Variants in CSMD3 observed in about 807,000 individuals in gnomAD.
CSMD3 encodes the protein CUB and Sushi multiple domains 3.
A neutral mutation model predicts 435.2 loss-of-function variants in CSMD3; 177 were observed. The ratio of observed to expected loss-of-function variants is 0.41; its 90% confidence interval spans 0.36 to 0.46. The LOEUF (loss-of-function observed/expected upper bound fraction) is 0.46, where lower values mean the gene tolerates loss of function less well. Among genes scored for constraint, CSMD3 ranks in the 20% least tolerant of loss-of-function variants. CSMD3 has a pLI of 0.34. For missense variants in CSMD3, 4,265 were observed against 4,504.6 expected (o/e 0.95, Z 1.52); for synonymous variants, 1,656 against 1,520.5 (o/e 1.09, Z -2.07).
In CSMD3 at chr8:112,408,993, T is replaced by G. The variant is rs1194397870; in HGVS notation, c.5435A>C (p.His1812Pro). The change falls in exon 33 of 71, where the codon CAC becomes CCC. Residue 1812 changes from histidine to proline, a missense_variant. Around this residue, in one of 3 missense-constraint regions of CSMD3, gnomAD observed 3,255 missense variants for 3,380.2 expected, o/e 0.96. Coordinates refer to ENST00000297405, the MANE Select transcript of CSMD3 (RefSeq NM_198123.2). Reference sequence around the variant, plus strand: ...CCCATCATACACCTCAACAACATCGTGGAGTGATGTCTGGAAAAATACAAA... The same window carrying G: ...CCCATCATACACCTCAACAACATCGGGGAGTGATGTCTGGAAAAATACAAA... The part of the protein sequence containing the change: ...GQFVFFQTSL[H>P]DVVEVYDGPT... 6.2e-7 allele frequency: 1 copy of G among 1,613,508 alleles called. No homozygotes were observed. Among genetic ancestry groups the G allele is most frequent in the South Asian group, 1.1e-5 (1 of 91,070 alleles).
At chr8:112,359,308 A>G (rs1226349115) in intron 38 of CSMD3, among the ~76,000 whole-genome samples, 1 of 152,234 alleles carries the variant, frequency 6.6e-6, no homozygotes, top group East Asian at 1.9e-4. Context: ...TCTCTGATAG[A>G]TATTCTTGTA....
At position 112,755,199 on chromosome 8, in the gene CSMD3, C is replaced by T. The variant is rs1214778052; in HGVS notation, c.1972+44963G>A. Among the ~76,000 whole-genome samples, 5 of 151,964 alleles carry T rather than the reference C, an allele frequency of 3.3e-5. No homozygotes were observed. The South Asian group carries it at 6.2e-4, about 19-fold the overall frequency. On this transcript the variant is annotated intron_variant, in intron 13 of 70. Coordinates refer to ENST00000297405, the MANE Select transcript of CSMD3 (RefSeq NM_198123.2). ...ACAAAAAATTAGCCGGGCGTGGTGG[C>T]GGGCACCTGCAGTCCCAGCTACTCG...
At chr8:113,137,590 C>T (rs1181980643) in intron 4 of CSMD3, among the ~76,000 whole-genome samples, 3 of 151,586 alleles carry the variant, frequency 2.0e-5, no homozygotes, top group African/African-American at 7.3e-5. Flanking sequence ...AGGGTCTGTT[C>T]TCTGCTTCCA....
chr8:113,004,870 C>T (rs1384911073), intron 6 of CSMD3, among the ~76,000 whole-genome samples: 1 of 151,550 alleles, frequency 6.6e-6, no homozygotes, highest in Non-Finnish European at 1.5e-5. Context: ...AATTATAATG[C>T]ACTTCTAAAA....
intron 31 of CSMD3, among the ~76,000 whole-genome samples, chr8:112,490,669 G>T (rs1286164421): frequency 6.6e-6 from 1 of 151,766 alleles, no homozygotes; most frequent in African/African-American, 2.4e-5. Context: ...TTTGAATCTG[G>T]CTCCTGGAAA....
In CSMD3 at chr8:112,685,396, A is replaced by C; in HGVS notation, c.2482+10T>G. On this transcript the variant is annotated intron_variant, in intron 15 of 70. Transcript: ENST00000297405. ...TATTATATGGGAAAAAAACAGAAAC[A>C]GAAACTTACTGTTGTAAGTGATGTT... 1.9e-6 allele frequency: 3 copies of C among 1,604,708 alleles called. No homozygotes were observed. The highest frequency in any genetic ancestry group is 2.6e-6 in the Non-Finnish European group (3 of 1,171,808).
At chr8:112,416,797 A>G (rs1473251261) in intron 32 of CSMD3, among the ~76,000 whole-genome samples, 1 of 152,086 alleles carries the variant, frequency 6.6e-6, no homozygotes, top group Non-Finnish European at 1.5e-5. Flanking sequence ...TAATGGCATG[A>G]CAGTGTCAGA....
rs1280107564 is a variant in CSMD3 at position 113,378,980 on chromosome 8, C to T, written c.178+57697G>A. Among the ~76,000 whole-genome samples the T allele has an allele frequency of 3.9e-5, 6 of 152,076 alleles. No homozygotes were observed. The East Asian group carries it at 5.8e-4, about 15-fold the overall frequency. On this transcript the variant is annotated intron_variant, in intron 1 of 70. Coordinates refer to ENST00000297405, the MANE Select transcript of CSMD3 (RefSeq NM_198123.2). ...GAGGTAGAAAGGGATCATGAAGGAG[C>T]TTGTAGTCCATGACAAGAAGTTTGG...
intron 10 of CSMD3, among the ~76,000 whole-genome samples, chr8:112,860,755 T>C (rs1051602825): frequency 6.6e-6 from 1 of 151,890 alleles, no homozygotes; most frequent in Non-Finnish European, 1.5e-5. Flanking sequence ...ATTATTCGCA[T>C]GTGTTTTAAA....
At chr8:112,523,829 A>T (rs939387492) in intron 27 of CSMD3, among the ~76,000 whole-genome samples, 9 of 152,064 alleles carry the variant, frequency 5.9e-5, no homozygotes, top group Admixed American at 2.0e-4. Context: ...CTATCTTTAG[A>T]ATTTCATTAT....
chr8:113,207,977 T>C (rs923164396), intron 3 of CSMD3, among the ~76,000 whole-genome samples: 13 of 152,208 alleles, frequency 8.5e-5, no homozygotes, highest in Non-Finnish European at 7.3e-5. Context: ...CTGCATATAT[T>C]TCTGCACAAT....
At chr8:112,995,581 A>G (rs2085618954) in intron 6 of CSMD3, among the ~76,000 whole-genome samples, 1 of 151,416 alleles carries the variant, frequency 6.6e-6, no homozygotes, top group South Asian at 2.1e-4. Context: ...AATCTTAAGT[A>G]ACAGAAAAGT....
chr8:113,065,218 T>A (rs991295832), intron 5 of CSMD3, among the ~76,000 whole-genome samples: 1 of 152,126 alleles, frequency 6.6e-6, no homozygotes, highest in African/African-American at 2.4e-5. Context: ...GATTTCAGCC[T>A]TAGGTTGTGA....
At chr8:112,500,082 C>G (rs979830389) in intron 30 of CSMD3, among the ~76,000 whole-genome samples, 1 of 151,936 alleles carries the variant, frequency 6.6e-6, no homozygotes, top group African/African-American at 2.4e-5. Context: ...GCACCCCAGT[C>G]TGGGCAACAC....
chr8:112,951,492 T>A (rs2083808230), intron 8 of CSMD3, among the ~76,000 whole-genome samples: 1 of 151,800 alleles, frequency 6.6e-6, no homozygotes, highest in African/African-American at 2.4e-5. Context: ...TTTTTAAAAA[T>A]TAATTTAAAT....
chr8:112,269,860 C>T (rs1047111469), intron 59 of CSMD3, among the ~76,000 whole-genome samples: 1 of 152,150 alleles, frequency 6.6e-6, no homozygotes, highest in Non-Finnish European at 1.5e-5. Flanking sequence ...TGTTTCTTCA[C>T]ACTTATAATC....
intron 3 of CSMD3, among the ~76,000 whole-genome samples, chr8:113,259,099 T>C (rs16884478): frequency 0.014 from 2,070 of 152,198 alleles, 59 homozygotes; most frequent in African/African-American, 0.048. Flanking sequence ...AGCAAGTTGA[T>C]TGCAAAAAAA....
chr8:112,550,557 C>A (rs1310916070), intron 27 of CSMD3, 114 bp downstream of exon 27: 2 of 634,612 alleles, frequency 3.2e-6, no homozygotes, highest in Admixed American at 5.5e-5. Context: ...ACTAGAAACA[C>A]GAATATTTAA....
chr8:113,213,511 G>T (rs1414081039), intron 3 of CSMD3, among the ~76,000 whole-genome samples: 4 of 146,834 alleles, frequency 2.7e-5, no homozygotes, highest in South Asian at 2.2e-4. Flanking sequence ...TCTTTTGTGT[G>T]TTTTTTTTTT....
Sources: gnomAD v4.1 joint callset for allele counts (sites outside exome capture counted in the v4.1 genomes callset) on GRCh38, gnomAD v4.1.1 for gene constraint, gnomAD v4.1.1 regional missense constraint, MANE v1.5 for transcripts, NCBI Gene and HGNC (gene_info 2026-07-23, HGNC 2026-07-21) for gene names.